HEATR5B: variants seen among roughly 807,000 people sequenced by gnomAD.
The protein encoded by HEATR5B is HEAT repeat-containing protein 5B.
In HEATR5B, 156 loss-of-function variants were observed where a neutral mutation model predicts 224.1. The ratio of observed to expected loss-of-function variants is 0.70; its 90% CI spans 0.61 to 0.80. The LOEUF is 0.80. Among genes scored for constraint, HEATR5B ranks in the 30% least tolerant of loss-of-function variants. HEATR5B has a pLI of 0.00. For synonymous variants in HEATR5B, 1,027 were observed against 893.0 expected, an observed-to-expected ratio of 1.15 and a Z score of -2.68; for missense variants, 2,323 against 2,535.5, an observed-to-expected ratio of 0.92 and a Z score of 1.80.
rs771374713 is a variant in HEATR5B, at chr2:37,028,800, G to C, written c.3482C>G (p.Thr1161Arg). 1.9e-6 allele frequency: 3 copies of C among 1,613,966 alleles called. No individual in the cohort carries two copies. Among genetic ancestry groups the C allele is most frequent in the African/African-American group, 1.3e-5 (1 of 74,902 alleles). Residue 1161 changes from threonine (T) to arginine (R), a missense_variant, in exon 23 of 36, where the codon ACA becomes AGA. Thr to Arg is a moderately conservative substitution (Grantham distance 71, BLOSUM62 -1). Coordinates refer to ENST00000233099, the MANE Select transcript of HEATR5B (RefSeq NM_019024.3). ...AATATCAGAACATAATTTTCGATCT[G>C]TCTCCCGGTCTAGCATTCCAAAAAG... ...GLLFGMLDRE[T>R]DRKLCSDIHD...
chr2:37,079,483 A>C (rs926218815), intron 2 of HEATR5B, 152 bp from the exon 3 acceptor site: 1 of 519,484 alleles, frequency 1.9e-6, no homozygotes, highest in Non-Finnish European at 3.3e-6. Context: ...CAAGTTAATG[A>C]AAAGTTCTGT....
intron 35 of HEATR5B, among the ~76,000 whole-genome samples, chr2:36,988,234 T>C (rs1165466341): frequency 3.9e-5 from 6 of 151,924 alleles, no homozygotes; most frequent in African/African-American, 1.4e-4. Flanking sequence ...CTCACTACAT[T>C]ATGTAACAGA....
intron 4 of HEATR5B, among the ~76,000 whole-genome samples, 182 bp downstream of exon 4, chr2:37,076,729 G>A (rs1232643202): frequency 6.7e-6 from 1 of 150,096 alleles, no homozygotes; most frequent in African/African-American, 2.4e-5. Flanking sequence ...CCTTGTCAAA[G>A]AAAAGCATTC....
At chr2:37,063,775 C>T (rs1300022091) in intron 10 of HEATR5B, among the ~76,000 whole-genome samples, 3 of 151,978 alleles carry the variant, frequency 2.0e-5, no homozygotes, top group Non-Finnish European at 4.4e-5. Flanking sequence ...TAGTATACAA[C>T]AGAAAGAAAG....
At chr2:37,048,565 T>C (rs1192737467) in intron 18 of HEATR5B, among the ~76,000 whole-genome samples, 1 of 152,170 alleles carries the variant, frequency 6.6e-6, no homozygotes, top group Non-Finnish European at 1.5e-5. Context: ...ATACTCCTAC[T>C]TCACCTGTTA....
chr2:36,988,729 G>C lies in HEATR5B; in HGVS notation c.5828C>G (p.Pro1943Arg). 1.9e-6 allele frequency: 3 copies of C among 1,614,002 alleles called. No homozygotes were observed. The highest frequency in any genetic ancestry group is 2.5e-6 in the Non-Finnish European group (3 of 1,179,976). The change falls in exon 35 of 36, where the codon CCA (proline) becomes CGA (arginine). Residue 1943 changes from proline (P) to arginine (R), a missense_variant. By Grantham distance (103) the Pro-to-Arg change is moderately radical (BLOSUM62 -2). Transcript: ENST00000233099. ...CGCTAAAAGCTCTATGTTACTGGCT[G>C]GTCTGTTTCTTTCAACAGCTTTTAG... is the stretch of plus-strand genomic sequence containing the variant. ...EKLKAVERNR[P>R]ASNIELLAVQ...
chr2:36,986,559 A>T (rs1212687147), intron 35 of HEATR5B, among the ~76,000 whole-genome samples: 1 of 152,234 alleles, frequency 6.6e-6, no homozygotes, highest in Non-Finnish European at 1.5e-5. Flanking sequence ...TTTTTAACAG[A>T]AAAGAAAAAA....
intron 18 of HEATR5B, among the ~76,000 whole-genome samples, chr2:37,046,962 A>C (rs1450865788): frequency 1.4e-5 from 2 of 146,960 alleles, no homozygotes; most frequent in African/African-American, 5.2e-5. Flanking sequence ...AGGAAGGAGA[A>C]TCACTTGAAC....
intron 35 of HEATR5B, among the ~76,000 whole-genome samples, chr2:36,984,288 T>C (rs538515856): frequency 6.9e-6 from 1 of 145,460 alleles, no homozygotes; most frequent in African/African-American, 2.6e-5. Flanking sequence ...TATCTAGAAA[T>C]ATGCTAAGCA....
chr2:37,016,734 A>G (rs1423384119), intron 26 of HEATR5B, among the ~76,000 whole-genome samples: 1 of 152,214 alleles, frequency 6.6e-6, no homozygotes, highest in African/African-American at 2.4e-5. Context: ...AATCATGGCT[A>G]ATGGACTTGA....
chr2:36,993,684 A>G (rs2148345360), intron 33 of HEATR5B, among the ~76,000 whole-genome samples: 1 of 152,358 alleles, frequency 6.6e-6, no homozygotes, highest in Non-Finnish European at 1.5e-5. Flanking sequence ...CAACTTCTTA[A>G]CAAAGTTATT....
intron 27 of HEATR5B, among the ~76,000 whole-genome samples, chr2:37,009,804 A>C (rs1207104160): frequency 6.9e-6 from 1 of 144,204 alleles, no homozygotes; most frequent in African/African-American, 2.6e-5. Flanking sequence ...TTTTTGCCAC[A>C]GGGTATAACT....
rs1294403735 is a variant in HEATR5B at position 36,995,072 on chromosome 2, G to A, written c.5546-4273C>T. ...GCCACAAATTCTCAACGATTTCTTC[G>A]TCTTGTTATTCCTTGTTTTTTTTTT... On this transcript the variant is annotated intron_variant, in intron 33 of 35. Transcript: ENST00000233099. 3.8e-5 allele frequency among the ~76,000 whole-genome samples: 5 copies of A among 132,618 alleles called. No homozygotes were observed. In the East Asian group the frequency reaches 6.2e-4, roughly 17 times the overall value. The allele number at this position is 132,618 out of a possible 152,430, so 87.0% of individuals were successfully genotyped here.
In HEATR5B at chr2:37,013,907, G is replaced by A. The variant is rs17020125; in HGVS notation, c.4218C>T (p.Ser1406=). The change falls in exon 27 of 36, where the codon TCC becomes TCT. Residue 1406 remains serine (S), a synonymous_variant. Transcript: ENST00000233099. ...TGGCACTCTCTCGGTACAGCTGGCT[G>A]GAAGATCCTTTTCCAGCCTGAACTT... ...LDKVQAGKGS[S]SQLYRESATT... The A allele has an allele frequency of 0.21, 334,374 of 1,611,950 alleles. 38,872 individuals are homozygous for A. Among genetic ancestry groups the A allele is most frequent in the East Asian group, 0.53 (23,958 of 44,786 alleles).
intron 32 of HEATR5B, among the ~76,000 whole-genome samples, chr2:37,001,333 A>G (rs373842541): frequency 6.6e-6 from 1 of 152,120 alleles, no homozygotes; most frequent in Non-Finnish European, 1.5e-5. Flanking sequence ...TGAAAATTCA[A>G]CCTCCCACAA....
Position 37,041,149 on chromosome 2 carries a change from G to A in HEATR5B, c.2840C>T (p.Thr947Ile). The A allele has an allele frequency of 6.2e-7, 1 of 1,613,838 alleles. No homozygotes were observed. Among genetic ancestry groups the A allele is most frequent in the Non-Finnish European group, 8.5e-7 (1 of 1,179,834 alleles). ...ATATTATACCTGGACTTCAGGGGAT[G>A]TCCCATCTTGTGCTAGAGCCAATAA... ...SILLALAQDGTSPEVQTWSLH... is the reference protein window; with the variant it reads ...SILLALAQDGISPEVQTWSLH... Residue 947 changes from threonine to isoleucine, a missense_variant, in exon 19 of 36, where the codon ACA (threonine) becomes ATA (isoleucine). Thr to Ile is a moderately conservative substitution (Grantham distance 89). Transcript: ENST00000233099.
intron 13 of HEATR5B, 72 bp from the exon 14 acceptor site, chr2:37,058,632 T>G: frequency 9.7e-7 from 1 of 1,031,696 alleles, no homozygotes; most frequent in South Asian, 1.3e-5. Context: ...TTTAGCAATG[T>G]ATCAATGTAC....
intron 16 of HEATR5B, among the ~76,000 whole-genome samples, chr2:37,054,146 G>A (rs1274851770): frequency 7.6e-6 from 1 of 131,340 alleles, no homozygotes; most frequent in Admixed American, 7.7e-5. Flanking sequence ...AAAAGAATCA[G>A]TTTATTAAAA....
At chr2:37,042,600 A>G (rs376945175) in intron 18 of HEATR5B, among the ~76,000 whole-genome samples, 13 of 152,336 alleles carry the variant, frequency 8.5e-5, no homozygotes, top group African/African-American at 2.6e-4. Context: ...TTTTAAGAAG[A>G]GATGAGGCAG....
Sources: allele counts gnomAD v4.1 joint callset (sites outside exome capture counted in the v4.1 genomes callset), GRCh38; gene constraint gnomAD v4.1.1; transcripts MANE v1.5; gene names NCBI Gene and HGNC (gene_info 2026-07-23, HGNC 2026-07-21).